The following XYLT1 variants were observed in gnomAD, a reference collection of about 807,000 sequenced individuals.
XYLT1 encodes the protein xylosyltransferase 1.
In XYLT1, 36 loss-of-function variants were observed where a neutral mutation model predicts 91.3. The observed-to-expected ratio is 0.39, with a 90% confidence interval of 0.30 to 0.52. XYLT1 has a LOEUF of 0.52. Among genes scored for constraint, XYLT1 ranks in the 20% least tolerant of loss-of-function variants. The pLI is 0.68. For missense variants in XYLT1, 1,242 were observed against 1,284.5 expected (o/e 0.97, Z 0.51); for synonymous variants, 588 against 532.0 (o/e 1.11, Z -1.45).
At chr16:17,330,104 TACACACACACACACACAC>T in intron 2 of XYLT1, among the ~76,000 whole-genome samples, 1 of 144,586 alleles carries the variant, frequency 6.9e-6, no homozygotes, top group Admixed American at 6.9e-5. Context: ...TGGAGGTAGA[TACACACACACACACACAC>T]ACACACACAC....
chr16:17,205,511 A>C (rs781499836), intron 3 of XYLT1, among the ~76,000 whole-genome samples: 1 of 152,222 alleles, frequency 6.6e-6, no homozygotes, highest in Non-Finnish European at 1.5e-5. Context: ...GGGTATGTAT[A>C]ATCACAGAAT....
rs182870233 is a variant in XYLT1 at position 17,253,369 on chromosome 16, G to A, written c.913+5619C>T. 7.9e-5 allele frequency among the ~76,000 whole-genome samples: 12 copies of A among 152,182 alleles called. No individual in the cohort carries two copies. In the East Asian group the frequency reaches 1.5e-3, roughly 20 times the overall value. On this transcript the variant is annotated intron_variant, in intron 3 of 11. Coordinates refer to ENST00000261381, the MANE Select transcript of XYLT1 (RefSeq NM_022166.4). ...CAGCTCACAGGTCCTGGGAGGGTGCGCTATCCTGGCCAGTGCACTAAAGGC... is the reference window on the plus strand; with the variant it reads ...CAGCTCACAGGTCCTGGGAGGGTGCACTATCCTGGCCAGTGCACTAAAGGC...
intron 3 of XYLT1, among the ~76,000 whole-genome samples, chr16:17,218,496 C>T (rs543019049): frequency 5.9e-5 from 9 of 152,150 alleles, no homozygotes; most frequent in Admixed American, 2.6e-4. Context: ...ATGGAAGGCT[C>T]AGTGCCTTAC....
At chr16:17,142,735 G>A (rs906510325) in intron 6 of XYLT1, among the ~76,000 whole-genome samples, 5 of 151,922 alleles carry the variant, frequency 3.3e-5, no homozygotes, top group South Asian at 2.1e-4. Flanking sequence ...AAGCCATTGC[G>A]CCTGGCCTAA....
At chr16:17,425,314 G>T (rs1482847747) in intron 1 of XYLT1, among the ~76,000 whole-genome samples, 1 of 152,118 alleles carries the variant, frequency 6.6e-6, no homozygotes, top group Non-Finnish European at 1.5e-5. Flanking sequence ...GCATTGTAGG[G>T]TGAGACCCAG....
At chr16:17,459,693 T>C (rs753291014) in intron 1 of XYLT1, among the ~76,000 whole-genome samples, 16 of 152,224 alleles carry the variant, frequency 1.1e-4, no homozygotes, top group Non-Finnish European at 1.9e-4. Flanking sequence ...ATCTGATTTT[T>C]TGCAATGTTC....
chr16:17,132,796 A>G (rs953386940), intron 9 of XYLT1, among the ~76,000 whole-genome samples: 56 of 152,244 alleles, frequency 3.7e-4, no homozygotes, highest in Admixed American at 2.0e-3. Context: ...TCAGCTACTC[A>G]GGAGGCTGAG....
chr16:17,126,351 G>A (rs2030260034), intron 10 of XYLT1, among the ~76,000 whole-genome samples: 2 of 152,140 alleles, frequency 1.3e-5, no homozygotes, highest in South Asian at 4.1e-4. Flanking sequence ...TTGTCAATTG[G>A]CTGCTCAGGC....
chr16:17,214,252 T>G (rs1439209025), intron 3 of XYLT1, among the ~76,000 whole-genome samples: 1 of 152,206 alleles, frequency 6.6e-6, no homozygotes, highest in Non-Finnish European at 1.5e-5. Flanking sequence ...GGAAAGAAGT[T>G]TCGTTTTGAA....
intron 6 of XYLT1, among the ~76,000 whole-genome samples, chr16:17,148,245 C>T (rs1393074544): frequency 6.6e-6 from 1 of 152,192 alleles, no homozygotes; most frequent in African/African-American, 2.4e-5. Flanking sequence ...AGCAATGAAC[C>T]GACTCAACCA....
intron 11 of XYLT1, among the ~76,000 whole-genome samples, chr16:17,116,671 C>G (rs55709906): frequency 0.057 from 8,622 of 152,232 alleles, 802 homozygotes; most frequent in African/African-American, 0.19. Flanking sequence ...ACCTTGGGGT[C>G]AGACGTCTGT....
At chr16:17,411,767 T>C (rs1307403422) in intron 1 of XYLT1, among the ~76,000 whole-genome samples, 1 of 152,080 alleles carries the variant, frequency 6.6e-6, no homozygotes, top group African/African-American at 2.4e-5. Context: ...GCCTACCTGG[T>C]TTTAAACCAC....
intron 3 of XYLT1, among the ~76,000 whole-genome samples, chr16:17,205,667 C>T (rs1237038376): frequency 1.3e-5 from 2 of 152,180 alleles, no homozygotes; most frequent in Admixed American, 6.5e-5. Context: ...GGCCCAGCTC[C>T]AGAGTTCTAC....
At chr16:17,274,209 A>G (rs2033937929) in intron 2 of XYLT1, among the ~76,000 whole-genome samples, 1 of 152,196 alleles carries the variant, frequency 6.6e-6, no homozygotes, top group Admixed American at 6.5e-5. Context: ...TTTAAATAAT[A>G]AAACATATTA....
intron 2 of XYLT1, among the ~76,000 whole-genome samples, chr16:17,296,350 C>T (rs1000974337): frequency 2.0e-5 from 3 of 152,172 alleles, no homozygotes; most frequent in Admixed American, 6.5e-5. Context: ...GCTGGGGCTT[C>T]GCGGGTGATT....
intron 1 of XYLT1, among the ~76,000 whole-genome samples, chr16:17,405,907 G>A (rs569148081): frequency 6.6e-6 from 1 of 152,330 alleles, no homozygotes; most frequent in East Asian, 1.9e-4. Flanking sequence ...CTATTCAGCT[G>A]AGACTGGTGA....
Position 17,183,664 on chromosome 16 carries a change from T to C in XYLT1, c.1289+14548A>G, listed in dbSNP as rs190659741. On this transcript the variant is annotated intron_variant, in intron 5 of 11. Coordinates refer to ENST00000261381, the MANE Select transcript of XYLT1 (RefSeq NM_022166.4). ...ATGGAAATCACTTGGCCTAGAATCC[T>C]ATGCACAGTAAGTAGTCAAGAAATG... Among the ~76,000 whole-genome samples, 307 of 152,334 alleles carry C rather than the reference T, an allele frequency of 2.0e-3. 1 individual carries two copies. The highest frequency in any genetic ancestry group is 7.2e-3 in the African/African-American group (298 of 41,580).
At chr16:17,383,682 A>C (rs2035710499) in intron 1 of XYLT1, among the ~76,000 whole-genome samples, 1 of 151,862 alleles carries the variant, frequency 6.6e-6, no homozygotes, top group South Asian at 2.1e-4. Context: ...TGGGCACTGG[A>C]AACAGGCCAG....
Position 17,207,044 on chromosome 16 carries a change from T to TTTTCTTTC in XYLT1, c.914-6398_914-6391dup, listed in dbSNP as rs1231078772. 6.2e-5 allele frequency among the ~76,000 whole-genome samples: 8 copies of TTTTCTTTC among 129,962 alleles called. No homozygotes were observed. The East Asian group carries it at 6.4e-4, about 10-fold the overall frequency. The allele number at this position is 129,962 out of a possible 152,430, so 85.3% of individuals were successfully genotyped here. On this transcript the variant is annotated intron_variant, in intron 3 of 11. Coordinates refer to ENST00000261381, the MANE Select transcript of XYLT1 (RefSeq NM_022166.4). Reference sequence around the variant, plus strand: ...TCCCTTGAGAGTCAGGTTGGTTTTCTTTTCTTTCTTTTTTTTTTTTTTTTT... The same window carrying TTTTCTTTC: ...TCCCTTGAGAGTCAGGTTGGTTTTCTTTTCTTTCTTTCTTTCTTTTTTTTTTTTTTTTT...
Sources: gnomAD v4.1 joint callset for allele counts (sites outside exome capture counted in the v4.1 genomes callset) on GRCh38, gnomAD v4.1.1 for gene constraint, MANE v1.5 for transcripts, NCBI Gene and HGNC (gene_info 2026-07-23, HGNC 2026-07-21) for gene names.